Variants in TNS1 observed in about 807,000 individuals in gnomAD.
TNS1 encodes the protein tensin 1, also known as tensin-1.
TNS1 carries 62 observed loss-of-function variants against 168.6 expected under a neutral mutation model. The observed-to-expected ratio is 0.37, with a 90% CI of 0.30 to 0.45. TNS1 has a LOEUF of 0.45. TNS1 is among the 20% of genes least tolerant of loss of function. The pLI, the probability that TNS1 is intolerant of heterozygous loss-of-function variation, is 1.00. For synonymous variants in TNS1, 934 were observed against 933.2 expected (o/e 1.00, Z -0.02); for missense variants, 2,240 against 2,339.4 (o/e 0.96, Z 0.88).
chr2:217,801,648 G>A lies in TNS1; in HGVS notation c.*2811C>T, dbSNP rs1937503877. On this transcript the variant is annotated 3_prime_UTR_variant, in exon 33 of 33. Coordinates refer to ENST00000682258, the MANE Select transcript of TNS1 (RefSeq NM_001387777.1). ...AAAATAATAATTAGTAAAAGTGCTT[G>A]CTTTTAAAGGAAATCTTTGGCAAGA... 6.6e-6 allele frequency: 1 copy of A among 152,278 alleles called. No individual in the cohort carries two copies. The highest frequency in any genetic ancestry group is 1.5e-5 in the Non-Finnish European group (1 of 68,058). 9.4% of individuals were successfully genotyped at this position (152,278 alleles called of 1,614,324 possible).
chr2:217,868,016 C>T (rs984531183), intron 18 of TNS1, among the ~76,000 whole-genome samples: 2 of 152,212 alleles, frequency 1.3e-5, no homozygotes, highest in Non-Finnish European at 1.5e-5. Context: ...AGAATGGAAC[C>T]GCCGCATGGC....
chr2:218,006,998 A>G (rs1006866185), upstream of TNS1, among the ~76,000 whole-genome samples: 3 of 152,122 alleles, frequency 2.0e-5, no homozygotes, highest in Non-Finnish European at 4.4e-5. Flanking sequence ...CCAGTCTCTC[A>G]GTTCCCAGAC....
chr2:217,972,929 G>C (rs1330715591), intron 3 of TNS1, among the ~76,000 whole-genome samples: 1 of 143,878 alleles, frequency 7.0e-6, no homozygotes, highest in East Asian at 2.0e-4. Flanking sequence ...AAAATTAAAA[G>C]TTTTACTTAA....
At chr2:217,989,820 C>T (rs761823679) in intron 2 of TNS1, among the ~76,000 whole-genome samples, 9 of 152,046 alleles carry the variant, frequency 5.9e-5, no homozygotes, top group South Asian at 2.1e-4. Flanking sequence ...CCAACCACAT[C>T]CCATCCACAT....
intron 2 of TNS1, among the ~76,000 whole-genome samples, chr2:217,989,991 T>C (rs2126082533): frequency 1.5e-5 from 2 of 130,472 alleles, no homozygotes; most frequent in African/African-American, 2.9e-5. Context: ...TCAGCACACA[T>C]TATCCACACA....
intron 1 of TNS1, among the ~76,000 whole-genome samples, chr2:218,021,738 C>A (rs1395295844): frequency 1.3e-5 from 2 of 152,196 alleles, no homozygotes; most frequent in Non-Finnish European, 2.9e-5. Context: ...CCTCAGGGCC[C>A]CAGCAGACAT....
rs1482971704 is a variant in TNS1 at position 217,813,143 on chromosome 2, C to A, written c.4954+72G>T. On this transcript the variant is annotated intron_variant, in intron 27 of 32. Transcript: ENST00000682258. This position sits in a 1 kb window ranked among gnomAD's most constrained non-coding sequence, Gnocchi z 4.0. ...CTGTCAGAAAGAACTTGGGGTCAGA[C>A]CCCTGGAGGAACCCAGGACAGGACC... The A allele has an allele frequency of 1.3e-5, 15 of 1,140,696 alleles. No individual in the cohort carries two copies. Among genetic ancestry groups the A allele is most frequent in the Non-Finnish European group, 1.8e-5 (14 of 772,106 alleles). 70.7% of individuals were successfully genotyped at this position (1,140,696 alleles called of 1,614,324 possible).
chr2:217,803,907 A>G lies in TNS1; in HGVS notation c.*552T>C, dbSNP rs1394887615. ...CCACACGACAATATAGTGGAGGCACAGCAAAGAGACCTGAGGTGCCTTGGG... is the reference window on the plus strand; with the variant it reads ...CCACACGACAATATAGTGGAGGCACGGCAAAGAGACCTGAGGTGCCTTGGG... On this transcript the variant is annotated 3_prime_UTR_variant, in exon 33 of 33. Coordinates refer to ENST00000682258, the MANE Select transcript of TNS1 (RefSeq NM_001387777.1). 1.3e-5 allele frequency: 2 copies of G among 155,084 alleles called. No homozygotes were observed. Among genetic ancestry groups the G allele is most frequent in the African/African-American group, 2.4e-5 (1 of 41,466 alleles). The allele number at this position is 155,084 out of a possible 1,614,324, so 9.6% of individuals were successfully genotyped here.
chr2:217,897,792 C>T lies in TNS1; in HGVS notation c.543+6G>A. On this transcript the variant is annotated splice_donor_region_variant and intron_variant, in intron 8 of 32. Coordinates refer to ENST00000682258, the MANE Select transcript of TNS1 (RefSeq NM_001387777.1). ...CAGGACAGTGGGCACGAGGATCCATCCTCACCAGGTAGTTGCCTCCATGTT... is the reference window on the plus strand; with the variant it reads ...CAGGACAGTGGGCACGAGGATCCATTCTCACCAGGTAGTTGCCTCCATGTT... 6.3e-7 allele frequency: 1 copy of T among 1,591,360 alleles called. No homozygotes were observed. Among genetic ancestry groups the T allele is most frequent in the South Asian group, 1.2e-5 (1 of 85,410 alleles).
chr2:218,008,161 G>A (rs754876505), intron 1 of TNS1, among the ~76,000 whole-genome samples: 2 of 152,136 alleles, frequency 1.3e-5, no homozygotes, highest in Admixed American at 6.5e-5. Flanking sequence ...GGGCGGAGAC[G>A]TGTCTGGGCC....
chr2:218,031,263 T>TGG (rs1958895022), intron 1 of TNS1, among the ~76,000 whole-genome samples: 2 of 140,118 alleles, frequency 1.4e-5, no homozygotes, highest in African/African-American at 5.7e-5. Context: ...AGTGTATGAG[T>TGG]GTGTTGTGTG....
intron 12 of TNS1, among the ~76,000 whole-genome samples, chr2:217,887,457 C>T (rs571918612): frequency 9.9e-5 from 15 of 152,064 alleles, no homozygotes; most frequent in Admixed American, 6.6e-4. Context: ...TACAGGCATG[C>T]GCCACCATGC....
At chr2:217,856,857 C>A (rs907652204) in intron 18 of TNS1, among the ~76,000 whole-genome samples, 1 of 152,222 alleles carries the variant, frequency 6.6e-6, no homozygotes, top group East Asian at 1.9e-4. Context: ...CAGGAGAGAA[C>A]AAGATTTTTC....
At chr2:217,909,571 CCACACACACACACACACA>C (rs3054350) in intron 4 of TNS1, among the ~76,000 whole-genome samples, 1 of 147,194 alleles carries the variant, frequency 6.8e-6, no homozygotes, top group South Asian at 2.3e-4. Context: ...GCCTGGGTGC[CCACACACACACACACACA>C]CACACACACA....
In TNS1 at chr2:217,848,515, C is replaced by T. The variant is rs1020212472; in HGVS notation, c.2002G>A (p.Gly668Ser). The T allele has an allele frequency of 5.6e-6, 9 of 1,613,494 alleles. No individual in the cohort carries two copies. Among genetic ancestry groups the T allele is most frequent in the African/African-American group, 1.3e-5 (1 of 74,926 alleles). ...YPEALSPLTN[G>S]LDKSYPMEPM... ...TCCATGGGGTAGGACTTGTCCAGAC[C>T]GTTGGTCAGTGGGGACAGGGCCTCT... The change falls in exon 19 of 33, where the codon GGT (glycine) becomes AGT (serine). Residue 668 changes from glycine to serine, a missense_variant. Around this residue, in one of 2 missense-constraint regions of TNS1, gnomAD observed 2,131 missense variants for 2,171.2 expected, o/e 0.98. Transcript: ENST00000682258.
Position 217,991,026 on chromosome 2 carries a change from G to A in TNS1, c.64C>T (p.Arg22Cys), listed in dbSNP as rs766098514. 2.6e-5 allele frequency: 18 copies of A among 693,598 alleles called. No individual in the cohort carries two copies. Among genetic ancestry groups the A allele is most frequent in the Middle Eastern group, 2.3e-4 (1 of 4,334 alleles). The allele number at this position is 693,598 out of a possible 1,614,324, so 43.0% of individuals were successfully genotyped here. Residue 22 changes from arginine to cysteine, a missense_variant, in exon 2 of 33, where the codon CGC becomes TGC. This residue lies in a region of TNS1 where 2,131 missense variants were observed against 2,171.2 expected (regional missense o/e 0.98). Coordinates refer to ENST00000682258, the MANE Select transcript of TNS1 (RefSeq NM_001387777.1). ...TTCTTGAAGGTCTTCACCTTGAAGC[G>A]GTGTGTCTTGGGGGCCTCCAGATCC... Reference protein sequence around the residue: ...PEDLEAPKTHRFKVKTFKKVK... With the variant: ...PEDLEAPKTHCFKVKTFKKVK...
intron 21 of TNS1, among the ~76,000 whole-genome samples, chr2:217,832,255 G>A (rs1226554136): frequency 6.6e-6 from 1 of 152,240 alleles, no homozygotes; most frequent in African/African-American, 2.4e-5. Context: ...CACTCCCTAT[G>A]CGAAGCCTGG....
chr2:218,029,798 G>A (rs1468132570), intron 1 of TNS1, among the ~76,000 whole-genome samples: 1 of 152,222 alleles, frequency 6.6e-6, no homozygotes, highest in African/African-American at 2.4e-5. Context: ...TCTGAGAGCT[G>A]TCACTGTTCT....
chr2:217,815,188 G>A, intron 24 of TNS1, 190 bp from the exon 25 acceptor site: 1 of 588,270 alleles, frequency 1.7e-6, no homozygotes. Flanking sequence ...CTGTATGCCT[G>A]GTGTCCTTAC....
Sources: allele counts gnomAD v4.1 joint callset (sites outside exome capture counted in the v4.1 genomes callset), GRCh38; gene constraint gnomAD v4.1.1; regional missense constraint gnomAD v4.1.1; non-coding constraint Gnocchi (gnomAD v3.1); transcripts MANE v1.5; gene names NCBI Gene and HGNC (gene_info 2026-07-23, HGNC 2026-07-21).